Variants in DYNLT1 observed in about 807,000 individuals in gnomAD.
The protein encoded by DYNLT1 is dynein light chain Tctex-type 1.
DYNLT1 carries 18 observed loss-of-function variants against 19.6 expected under a neutral mutation model. That is an observed-to-expected ratio of 0.92 (90% CI 0.64 to 1.36). DYNLT1 has a LOEUF of 1.36. DYNLT1 is among the 40% of genes most tolerant of loss of function. The pLI is 0.00. For missense variants in DYNLT1, 137 were observed against 139.3 expected (o/e 0.98, Z 0.08); for synonymous variants, 56 against 44.0 (o/e 1.27, Z -1.07).
intron 2 of DYNLT1, among the ~76,000 whole-genome samples, chr6:158,641,077 C>G (rs1392521199): frequency 2.6e-5 from 4 of 152,144 alleles, no homozygotes; most frequent in Admixed American, 2.6e-4. Flanking sequence ...ATTATAGAAT[C>G]AAATCTTGGT....
rs111724848 is a variant in DYNLT1 at position 158,641,295 on chromosome 6, A to G, written c.69+24T>C. The G allele has an allele frequency of 3.8e-6, 6 of 1,580,812 alleles. No individual in the cohort carries two copies. The African/African-American group carries it at 4.1e-5, about 11-fold the overall frequency. On this transcript the variant is annotated intron_variant, in intron 2 of 4. Coordinates refer to ENST00000367089, the MANE Select transcript of DYNLT1 (RefSeq NM_006519.4). The stretch of plus-strand genomic sequence containing the variant: ...TCTAATATAAGCCATTAAACATTTA[A>G]GAAGTGAGCATTTCTCCTCTTACCT...
intron 2 of DYNLT1, among the ~76,000 whole-genome samples, chr6:158,639,231 G>C (rs990065493): frequency 2.0e-5 from 3 of 152,076 alleles, no homozygotes; most frequent in African/African-American, 7.3e-5. Context: ...TGAGACTCTT[G>C]AGTAGTCACG....
intron 1 of DYNLT1, 71 bp from the exon 2 acceptor site, chr6:158,641,431 T>C (rs892499889): frequency 1.5e-6 from 2 of 1,333,672 alleles, no homozygotes; most frequent in Non-Finnish European, 2.1e-6. Flanking sequence ...TAAATGCAAA[T>C]GTAGGTAATG....
At chr6:158,639,818 C>CCGT in intron 2 of DYNLT1, among the ~76,000 whole-genome samples, 1 of 152,134 alleles carries the variant, frequency 6.6e-6, no homozygotes, top group Non-Finnish European at 1.5e-5. Flanking sequence ...GGAGCTGGGA[C>CCGT]TACAGGCATG....
rs191667256 is a variant in DYNLT1 at position 158,638,029 on chromosome 6, T to C, written c.70-135A>G. 634 of 1,311,858 alleles carry C rather than the reference T, an allele frequency of 4.8e-4. 3 individuals are homozygous for C. In the East Asian group the frequency reaches 9.8e-3, roughly 20 times the overall value. 81.3% of individuals were successfully genotyped at this position (1,311,858 alleles called of 1,614,324 possible). On this transcript the variant is annotated intron_variant, in intron 2 of 4. Transcript: ENST00000367089. ...AATCATGAGGGTGCCTTTGCAAATA[T>C]ACTTTTAATAGCATTATATTTCATT...
chr6:158,642,585 G>A (rs1430212929), intron 1 of DYNLT1: 1 of 151,052 alleles, frequency 6.6e-6, no homozygotes, highest in African/African-American at 2.4e-5. Flanking sequence ...GGGTTCAGGA[G>A]CTGACTGCCC....
At chr6:158,637,585 G>T (rs570134252) in intron 3 of DYNLT1, 186 bp downstream of exon 3, 3 of 833,778 alleles carry the variant, frequency 3.6e-6, no homozygotes, top group Non-Finnish European at 3.9e-6. Flanking sequence ...CTTCACATAC[G>T]ATCTGCAATT....
At chr6:158,644,601 G>GGCCTTTCC (rs2128338562) in intron 1 of DYNLT1, 81 bp downstream of exon 1, 1 of 1,560,504 alleles carries the variant, frequency 6.4e-7, no homozygotes, top group South Asian at 1.1e-5. Context: ...TGGGCAGCCA[G>GGCCTTTCC]GCCTTTCCGG....
rs1554232407 is a variant in DYNLT1, at chr6:158,637,903, C to G, written c.70-9G>C. ...ATTGCGCTTTCTATAGCCTAGAAAA[C>G]AAAGCACAAAGCGCGTCCCGGTTAA... is the stretch of plus-strand genomic sequence containing the variant. On this transcript the variant is annotated splice_polypyrimidine_tract_variant and intron_variant, in intron 2 of 4. Coordinates refer to ENST00000367089, the MANE Select transcript of DYNLT1 (RefSeq NM_006519.4). 3 of 1,600,730 alleles carry G rather than the reference C, an allele frequency of 1.9e-6. No individual in the cohort carries two copies. Among genetic ancestry groups the G allele is most frequent in the Non-Finnish European group, 1.7e-6 (2 of 1,179,750 alleles).
rs762748996 is a variant in DYNLT1, at chr6:158,637,221, A to T, written c.194-16T>A. 1 of 1,612,482 alleles carries T rather than the reference A, an allele frequency of 6.2e-7. No individual in the cohort carries two copies. On this transcript the variant is annotated splice_polypyrimidine_tract_variant and intron_variant, in intron 3 of 4. Transcript: ENST00000367089. Reference sequence around the variant, plus strand: ...ACACAGGTCACTTAAGTTAAAACAAATTTTTGTTAGAGAAGTCTACTGGGT... The same window carrying T: ...ACACAGGTCACTTAAGTTAAAACAATTTTTTGTTAGAGAAGTCTACTGGGT...
In DYNLT1 at chr6:158,644,596, A is replaced by C. The variant is rs1408982564; in HGVS notation, c.27+86T>G. ...ACTGGCCTAGCTGAAGGAGGTGGGCAGCCAGGCCTTTCCGGGCAGGACCGC... is the reference window on the plus strand; with the variant it reads ...ACTGGCCTAGCTGAAGGAGGTGGGCCGCCAGGCCTTTCCGGGCAGGACCGC... On this transcript the variant is annotated intron_variant, in intron 1 of 4. Transcript: ENST00000367089. 17 of 1,536,442 alleles carry C rather than the reference A, an allele frequency of 1.1e-5. No individual in the cohort carries two copies. In the Admixed American group the frequency reaches 2.8e-4, roughly 25 times the overall value.
rs1787129535 is a variant in DYNLT1, at chr6:158,641,311, C to T, written c.69+8G>A. Reference sequence around the variant, plus strand: ...AAACATTTAAGAAGTGAGCATTTCTCCTCTTACCTCTTTTACAATGTTGCT... The same window carrying T: ...AAACATTTAAGAAGTGAGCATTTCTTCTCTTACCTCTTTTACAATGTTGCT... On this transcript the variant is annotated splice_region_variant and intron_variant, in intron 2 of 4. Coordinates refer to ENST00000367089, the MANE Select transcript of DYNLT1 (RefSeq NM_006519.4). 5.0e-6 allele frequency: 8 copies of T among 1,591,058 alleles called. No homozygotes were observed. Among genetic ancestry groups the T allele is most frequent in the Non-Finnish European group, 1.7e-6 (2 of 1,172,318 alleles).
At chr6:158,641,175 G>A (rs570289673) in intron 2 of DYNLT1, 144 bp downstream of exon 2, 4 of 627,736 alleles carry the variant, frequency 6.4e-6, no homozygotes, top group East Asian at 6.5e-5. Flanking sequence ...CTCTTATCTA[G>A]CTATTTACTG....
chr6:158,643,292 A>G (rs1252169360), intron 1 of DYNLT1, among the ~76,000 whole-genome samples: 2 of 152,210 alleles, frequency 1.3e-5, no homozygotes, highest in East Asian at 1.9e-4. Context: ...TTCTTTGCCA[A>G]CTGCTCCTGA....
intron 1 of DYNLT1, 84 bp from the exon 2 acceptor site, chr6:158,641,444 C>T (rs1787132654): frequency 8.1e-7 from 1 of 1,230,336 alleles, no homozygotes; most frequent in Non-Finnish European, 1.1e-6. Context: ...AGGTAATGAA[C>T]ATAATGTAGA....
chr6:158,643,169 T>G (rs751406102), intron 1 of DYNLT1, among the ~76,000 whole-genome samples: 6 of 152,214 alleles, frequency 3.9e-5, no homozygotes, highest in Non-Finnish European at 8.8e-5. Context: ...ACTGCAGTAT[T>G]AAGCGCTTTC....
At chr6:158,640,354 G>T (rs1787110213) in intron 2 of DYNLT1, among the ~76,000 whole-genome samples, 1 of 152,122 alleles carries the variant, frequency 6.6e-6, no homozygotes, top group Non-Finnish European at 1.5e-5. Context: ...ACCCCAAACA[G>T]TATCATTAAA....
Position 158,636,873 on chromosome 6 carries a change from T to C in DYNLT1, c.296A>G (p.Asn99Ser), listed in dbSNP as rs755815283. 5.6e-6 allele frequency: 9 copies of C among 1,613,548 alleles called. No individual in the cohort carries two copies. The highest frequency in any genetic ancestry group is 5.5e-5 in the South Asian group (5 of 90,906). Reference sequence around the variant, plus strand: ...ACTGACGATGCAGTACATGGTCTTATTCTCCCATCGCACAGTGCAGCTCCC... The same window carrying C: ...ACTGACGATGCAGTACATGGTCTTACTCTCCCATCGCACAGTGCAGCTCCC... ...TDGSCTVRWE[N>S]KTMYCIVSAF... Residue 99 changes from asparagine to serine, a missense_variant, in exon 5 of 5, where the codon AAT (asparagine) becomes AGT (serine). Asn to Ser is a conservative substitution (Grantham distance 46). Coordinates refer to ENST00000367089, the MANE Select transcript of DYNLT1 (RefSeq NM_006519.4).
At chr6:158,641,602 C>T (rs991158488) in intron 1 of DYNLT1, 10 of 277,194 alleles carry the variant, frequency 3.6e-5, no homozygotes, top group South Asian at 2.0e-4. Context: ...GACGGAGTGT[C>T]GCTCTGTAGC....
Sources: gnomAD v4.1 joint callset for allele counts (sites outside exome capture counted in the v4.1 genomes callset) on GRCh38, gnomAD v4.1.1 for gene constraint, MANE v1.5 for transcripts, NCBI Gene and HGNC (gene_info 2026-07-23, HGNC 2026-07-21) for gene names.